The following ITGBL1 variants were observed in gnomAD, a reference collection of about 807,000 sequenced individuals.
ITGBL1 encodes the protein integrin subunit beta like 1.
In ITGBL1, 51 loss-of-function variants were observed where a neutral mutation model predicts 68.5. The ratio of observed to expected loss-of-function variants is 0.74; its 90% confidence interval spans 0.59 to 0.94. The LOEUF (loss-of-function observed/expected upper bound fraction) is 0.94. ITGBL1 is among the 40% of genes least tolerant of loss of function. The probability of loss-of-function intolerance (pLI) is 0.00; values close to 1 mark genes in which losing one functional copy is unlikely to be tolerated. For synonymous variants in ITGBL1, 209 were observed against 227.3 expected (o/e 0.92, Z 0.72); for missense variants, 649 against 647.4 (o/e 1.00, Z -0.03).
At chr13:101,584,346 C>T (rs2050514827) in intron 6 of ITGBL1, among the ~76,000 whole-genome samples, 1 of 152,144 alleles carries the variant, frequency 6.6e-6, no homozygotes, top group Non-Finnish European at 1.5e-5. Context: ...GAAAAGGTAT[C>T]ATTTAGCAAA....
chr13:101,552,916 C>G (rs1039682352), intron 2 of ITGBL1, among the ~76,000 whole-genome samples: 2 of 152,170 alleles, frequency 1.3e-5, no homozygotes, highest in African/African-American at 4.8e-5. Context: ...AAAATGTTCT[C>G]TCTGTCTATG....
At position 101,542,885 on chromosome 13, in the gene ITGBL1, C is replaced by CT. The variant is rs888089229; in HGVS notation, c.317-24806dup. ...CAGAGACTAGGATTGCAACCCCTGC[C>CT]TTTTTTTTGTTTTCCGTTTGCTTGG... is the stretch of plus-strand genomic sequence containing the variant. On this transcript the variant is annotated intron_variant, in intron 2 of 10. Transcript: ENST00000376180. 1.4e-4 allele frequency among the ~76,000 whole-genome samples: 21 copies of CT among 151,844 alleles called. 1 individual carries two copies. The South Asian group carries it at 2.1e-3, about 15-fold the overall frequency.
intron 7 of ITGBL1, among the ~76,000 whole-genome samples, chr13:101,652,262 C>A (rs921945306): frequency 3.3e-5 from 5 of 152,092 alleles, no homozygotes; most frequent in African/African-American, 9.7e-5. Flanking sequence ...CTGCCTCAGC[C>A]TCCAGAGGAT....
chr13:101,537,682 T>G (rs369448226), intron 2 of ITGBL1, among the ~76,000 whole-genome samples: 52 of 152,170 alleles, frequency 3.4e-4, no homozygotes, highest in African/African-American at 1.1e-3. Context: ...TTCCCTCTTA[T>G]TTCCCAGAGA....
chr13:101,461,732 C>A (rs142336473), intron 2 of ITGBL1, among the ~76,000 whole-genome samples: 3 of 152,154 alleles, frequency 2.0e-5, no homozygotes, highest in Non-Finnish European at 4.4e-5. Flanking sequence ...GAGCAGAGAG[C>A]CCCGTTATCA....
intron 7 of ITGBL1, among the ~76,000 whole-genome samples, chr13:101,622,034 A>T (rs2031604561): frequency 6.6e-6 from 1 of 152,148 alleles, no homozygotes; most frequent in Non-Finnish European, 1.5e-5. Context: ...ATAAATAAGC[A>T]GGCAGGGGTT....
chr13:101,634,813 T>C (rs947005854), intron 7 of ITGBL1, among the ~76,000 whole-genome samples: 2 of 152,000 alleles, frequency 1.3e-5, no homozygotes, highest in Non-Finnish European at 2.9e-5. Context: ...TGTGGCTATT[T>C]GCAAGGGGCA....
chr13:101,704,038 A>G (rs984288470), intron 8 of ITGBL1, among the ~76,000 whole-genome samples: 14 of 152,072 alleles, frequency 9.2e-5, no homozygotes, highest in Admixed American at 7.2e-4. Flanking sequence ...ATTGCCCACA[A>G]GTGTGTTGAC....
At chr13:101,634,365 A>G (rs991842247) in intron 7 of ITGBL1, among the ~76,000 whole-genome samples, 5 of 152,126 alleles carry the variant, frequency 3.3e-5, no homozygotes, top group Admixed American at 3.3e-4. Flanking sequence ...AATGTAACAG[A>G]TCATTGGTAT....
At chr13:101,475,763 CT>C in intron 2 of ITGBL1, among the ~76,000 whole-genome samples, 1 of 125,282 alleles carries the variant, frequency 8.0e-6, no homozygotes, top group African/African-American at 3.0e-5. Flanking sequence ...CCAAAAGGGA[CT>C]GGTGCAACAT....
At chr13:101,591,629 C>T (rs369014154) in intron 6 of ITGBL1, among the ~76,000 whole-genome samples, 47 of 151,996 alleles carry the variant, frequency 3.1e-4, no homozygotes, top group African/African-American at 1.1e-3. Context: ...AAGATGGAAC[C>T]GCAAACCTCA....
chr13:101,650,839 C>A (rs2032727399), intron 7 of ITGBL1, among the ~76,000 whole-genome samples: 1 of 152,082 alleles, frequency 6.6e-6, no homozygotes, highest in Non-Finnish European at 1.5e-5. Context: ...TCCCCCACAG[C>A]CCACTGATAT....
chr13:101,459,379 T>A (rs2048287622), intron 2 of ITGBL1, among the ~76,000 whole-genome samples: 1 of 152,238 alleles, frequency 6.6e-6, no homozygotes, highest in Non-Finnish European at 1.5e-5. Flanking sequence ...TGAGCATGAT[T>A]TTATGTATGT....
At chr13:101,630,445 A>T (rs1319406061) in intron 7 of ITGBL1, among the ~76,000 whole-genome samples, 1 of 152,066 alleles carries the variant, frequency 6.6e-6, no homozygotes, top group Non-Finnish European at 1.5e-5. Context: ...TTCTTTCATG[A>T]TGTGAATCTC....
intron 7 of ITGBL1, among the ~76,000 whole-genome samples, chr13:101,607,481 C>T (rs889764075): frequency 2.2e-4 from 34 of 151,984 alleles, no homozygotes; most frequent in African/African-American, 8.2e-4. Context: ...ATAATTCAAT[C>T]AATCCTCTTT....
At chr13:101,518,602 T>C (rs2049233016) in intron 2 of ITGBL1, among the ~76,000 whole-genome samples, 1 of 152,216 alleles carries the variant, frequency 6.6e-6, no homozygotes, top group Non-Finnish European at 1.5e-5. Flanking sequence ...GAACAGTATA[T>C]TGATTAGCAC....
intron 7 of ITGBL1, among the ~76,000 whole-genome samples, chr13:101,675,557 T>C (rs2033481706): frequency 1.3e-5 from 2 of 152,168 alleles, no homozygotes; most frequent in African/African-American, 4.8e-5. Context: ...AAATCTCCTC[T>C]TCTAGTAAGG....
intron 5 of ITGBL1, among the ~76,000 whole-genome samples, chr13:101,579,999 A>G (rs1594902409): frequency 2.0e-5 from 3 of 152,312 alleles, no homozygotes; most frequent in South Asian, 2.1e-4. Context: ...CAAATATATT[A>G]ATATTGCTAA....
chr13:101,473,755 G>A (rs890359868), intron 2 of ITGBL1, among the ~76,000 whole-genome samples: 4 of 152,068 alleles, frequency 2.6e-5, no homozygotes, highest in African/African-American at 7.2e-5. Flanking sequence ...AGGGTAAAGA[G>A]GAATTTGTCT....
Sources: allele counts gnomAD v4.1 joint callset (sites outside exome capture counted in the v4.1 genomes callset), GRCh38; gene constraint gnomAD v4.1.1; transcripts MANE v1.5; gene names NCBI Gene and HGNC (gene_info 2026-07-23, HGNC 2026-07-21).